RANBP9: variants seen among roughly 807,000 people sequenced by gnomAD.
RANBP9 encodes the protein RAN binding protein 9, also known as ran-binding protein 9.
RANBP9 carries 15 observed loss-of-function variants against 84.3 expected under a neutral mutation model. The ratio of observed to expected loss-of-function variants is 0.18; its 90% CI spans 0.12 to 0.27. RANBP9 has a LOEUF of 0.27. Ranked by LOEUF, RANBP9 falls within the 10% of genes least tolerant of loss-of-function variation. The pLI is 1.00. For synonymous variants in RANBP9, 392 were observed against 349.6 expected, an observed-to-expected ratio of 1.12 and a Z score of -1.35; for missense variants, 809 against 912.8, an observed-to-expected ratio of 0.89 and a Z score of 1.46.
chr6:13,659,183 G>GA (rs1385496636), intron 2 of RANBP9, among the ~76,000 whole-genome samples: 1 of 147,990 alleles, frequency 6.8e-6, no homozygotes, highest in African/African-American at 2.5e-5. Context: ...ATTGCAGAAG[G>GA]AAAAAAAATG....
intron 2 of RANBP9, among the ~76,000 whole-genome samples, chr6:13,676,810 A>G (rs1765894743): frequency 6.6e-6 from 1 of 152,100 alleles, no homozygotes; most frequent in Non-Finnish European, 1.5e-5. Context: ...ACAAAATCCA[A>G]CACCATTCTT....
At chr6:13,679,963 G>GA (rs1203497603) in intron 2 of RANBP9, among the ~76,000 whole-genome samples, 2 of 151,652 alleles carry the variant, frequency 1.3e-5, no homozygotes, top group African/African-American at 2.4e-5. Flanking sequence ...GAATTACAAG[G>GA]AAAAAAAGGA....
intron 11 of RANBP9, among the ~76,000 whole-genome samples, chr6:13,633,712 T>C (rs1168503063): frequency 1.3e-5 from 2 of 152,174 alleles, no homozygotes; most frequent in African/African-American, 4.8e-5. Flanking sequence ...CTGCATTTCT[T>C]TTTAAAAAAC....
At chr6:13,703,664 AT>A (rs1373058486) in intron 1 of RANBP9, among the ~76,000 whole-genome samples, 1 of 152,234 alleles carries the variant, frequency 6.6e-6, no homozygotes, top group Non-Finnish European at 1.5e-5. Flanking sequence ...TCTCTCAGGA[AT>A]TTGACATAGG....
intron 2 of RANBP9, among the ~76,000 whole-genome samples, chr6:13,668,562 TAACA>T (rs745875135): frequency 1.2e-4 from 18 of 152,104 alleles, no homozygotes; most frequent in Non-Finnish European, 2.2e-4. Flanking sequence ...GAAGTTCGTT[TAACA>T]AACAAAAATC....
chr6:13,637,703 G>A (rs1764973084), intron 10 of RANBP9, 105 bp downstream of exon 10: 2 of 1,193,986 alleles, frequency 1.7e-6, no homozygotes, highest in Non-Finnish European at 2.3e-6. Context: ...AACTCCCAGA[G>A]CCCCTCTGTG....
intron 5 of RANBP9, 66 bp downstream of exon 5, chr6:13,652,593 C>T: frequency 2.2e-6 from 3 of 1,368,824 alleles, no homozygotes; most frequent in Non-Finnish European, 3.1e-6. Flanking sequence ...CTAAATATGC[C>T]CAGTATCAGT....
intron 2 of RANBP9, among the ~76,000 whole-genome samples, chr6:13,683,313 T>C (rs1376506502): frequency 2.6e-5 from 4 of 152,178 alleles, no homozygotes; most frequent in South Asian, 4.1e-4. Flanking sequence ...TAAACATAAA[T>C]AGAATGGTTA....
chr6:13,671,553 A>G (rs2113309096), intron 2 of RANBP9, among the ~76,000 whole-genome samples: 1 of 152,340 alleles, frequency 6.6e-6, no homozygotes, highest in South Asian at 2.1e-4. Context: ...GAGAGGTCAC[A>G]TTTTGTATAA....
At chr6:13,672,647 C>T (rs946870843) in intron 2 of RANBP9, among the ~76,000 whole-genome samples, 11 of 151,924 alleles carry the variant, frequency 7.2e-5, no homozygotes, top group African/African-American at 2.2e-4. Flanking sequence ...AATTGCAAGG[C>T]ATGTAACAGG....
intron 2 of RANBP9, among the ~76,000 whole-genome samples, chr6:13,682,370 T>C (rs1332896704): frequency 2.1e-5 from 3 of 145,032 alleles, no homozygotes; most frequent in Non-Finnish European, 4.5e-5. Context: ...CCTAATGGGA[T>C]ATATTCTAAA....
chr6:13,677,528 G>C (rs1765921694), intron 2 of RANBP9, among the ~76,000 whole-genome samples: 1 of 151,922 alleles, frequency 6.6e-6, no homozygotes. Flanking sequence ...TTTTATTTCT[G>C]CCAAATGGCA....
chr6:13,674,997 C>T (rs180681977), intron 2 of RANBP9, among the ~76,000 whole-genome samples: 251 of 152,228 alleles, frequency 1.6e-3, no homozygotes, highest in African/African-American at 5.8e-3. Flanking sequence ...AGCCTAACAA[C>T]AAAGTGTCAA....
rs528068167 is a variant in RANBP9, at chr6:13,685,081, G to A, written c.683+11704C>T. 3.7e-4 allele frequency among the ~76,000 whole-genome samples: 56 copies of A among 152,228 alleles called. No homozygotes were observed. In the South Asian group the frequency reaches 9.3e-3, roughly 25 times the overall value. On this transcript the variant is annotated intron_variant, in intron 2 of 13. Coordinates refer to ENST00000011619, the MANE Select transcript of RANBP9 (RefSeq NM_005493.3). Reference sequence around the variant, plus strand: ...AAACATAAATTGCAATAATTTTTCCGGAGAGTAATTTGGCCATGTGCATCA... The same window carrying A: ...AAACATAAATTGCAATAATTTTTCCAGAGAGTAATTTGGCCATGTGCATCA...
Position 13,711,083 on chromosome 6 carries a change from G to C in RANBP9, c.423C>G (p.Asn141Lys). The change falls in exon 1 of 14, where the codon AAC becomes AAG. Residue 141 changes from asparagine (N) to lysine (K), a missense_variant. Transcript: ENST00000011619. ...GCCGCTGCAACTCCTTCTCCTGCTC[G>C]TTCAGGGCCGAGTCCCCGTGAGGGA... Reference protein sequence around the residue: ...APFPHGDSALNEQEKELQRRL... With the variant: ...APFPHGDSALKEQEKELQRRL... The C allele has an allele frequency of 2.5e-6, 4 of 1,575,960 alleles. No homozygotes were observed. The highest frequency in any genetic ancestry group is 3.4e-6 in the Non-Finnish European group (4 of 1,161,018).
At chr6:13,691,793 G>C (rs1038627315) in intron 2 of RANBP9, among the ~76,000 whole-genome samples, 1 of 152,122 alleles carries the variant, frequency 6.6e-6, no homozygotes, top group South Asian at 2.1e-4. Flanking sequence ...AGCCCCCCAA[G>C]TAGCTGGGAT....
At chr6:13,702,997 T>C (rs545405525) in intron 1 of RANBP9, among the ~76,000 whole-genome samples, 5 of 152,260 alleles carry the variant, frequency 3.3e-5, no homozygotes, top group African/African-American at 1.2e-4. Context: ...TAAATATCAC[T>C]TCCTCATTTC....
intron 12 of RANBP9, among the ~76,000 whole-genome samples, chr6:13,629,895 GTCTCTCTCTC>G (rs35437953): frequency 1.3e-4 from 18 of 143,822 alleles, no homozygotes; most frequent in Non-Finnish European, 2.1e-4. Context: ...TCATGTCTCT[GTCTCTCTCTC>G]TCTCTCTCTC....
chr6:13,703,168 G>T (rs999655816), intron 1 of RANBP9, among the ~76,000 whole-genome samples: 1 of 152,130 alleles, frequency 6.6e-6, no homozygotes, highest in African/African-American at 2.4e-5. Flanking sequence ...GTGAGCCACT[G>T]CACCCTCCCG....
Sources: gnomAD v4.1 joint callset for allele counts (sites outside exome capture counted in the v4.1 genomes callset) on GRCh38, gnomAD v4.1.1 for gene constraint, MANE v1.5 for transcripts, NCBI Gene and HGNC (gene_info 2026-07-23, HGNC 2026-07-21) for gene names.